Variants in B4GALNT3 observed in about 807,000 individuals in gnomAD.
B4GALNT3 encodes the protein beta-1,4-N-acetyl-galactosaminyltransferase 3, also known as beta-1,4-N-acetylgalactosaminyltransferase 3.
A neutral mutation model predicts 120.2 loss-of-function variants in B4GALNT3; 86 were observed. The observed-to-expected ratio is 0.72, with a 90% CI of 0.60 to 0.86. The LOEUF (loss-of-function observed/expected upper bound fraction) is 0.86. Ranked by LOEUF, B4GALNT3 falls within the 40% of genes least tolerant of loss-of-function variation. The pLI, the probability that B4GALNT3 is intolerant of heterozygous loss-of-function variation, is 0.00. For synonymous variants in B4GALNT3, 518 were observed against 510.4 expected (o/e 1.01, Z -0.20); for missense variants, 1,167 against 1,298.9 (o/e 0.90, Z 1.56).
At chr12:555,310 C>T (rs753869731) in intron 14 of B4GALNT3, 24 of 455,678 alleles carry the variant, frequency 5.3e-5, no homozygotes, top group African/African-American at 1.0e-4. Flanking sequence ...TTTCCTATTC[C>T]GGACATCTTA....
At chr12:522,406 A>T (rs1436806172) in intron 1 of B4GALNT3, among the ~76,000 whole-genome samples, 1 of 152,242 alleles carries the variant, frequency 6.6e-6, no homozygotes, top group Non-Finnish European at 1.5e-5. Flanking sequence ...AAAGCCAGAC[A>T]CAAAAGGAAA....
At chr12:462,662 T>G (rs1160202825) in intron 1 of B4GALNT3, among the ~76,000 whole-genome samples, 2 of 152,108 alleles carry the variant, frequency 1.3e-5, no homozygotes, top group Admixed American at 1.3e-4. Context: ...TGATGCACCT[T>G]GTTTCCTCTC....
rs144373652 is a variant in B4GALNT3, at chr12:480,225, G to A, written c.169+19680G>A. 4.4e-3 allele frequency among the ~76,000 whole-genome samples: 670 copies of A among 152,280 alleles called. 8 individuals are homozygous for A. Among genetic ancestry groups the A allele is most frequent in the East Asian group, 0.031 (161 of 5,170 alleles). ...CCACCGCGCCCGGCCAGGATGGGGA[G>A]TTCTATTCAGAACTGACCAATTAAA... is the stretch of plus-strand genomic sequence containing the variant. On this transcript the variant is annotated intron_variant, in intron 1 of 19. Coordinates refer to ENST00000266383, the MANE Select transcript of B4GALNT3 (RefSeq NM_173593.4).
At position 558,489 on chromosome 12, in the gene B4GALNT3, T is replaced by TA. The variant is rs750491839; in HGVS notation, c.2608-19_2608-18insA. 3 of 1,612,272 alleles carry TA rather than the reference T, an allele frequency of 1.9e-6. No individual in the cohort carries two copies. The highest frequency in any genetic ancestry group is 1.1e-5 in the South Asian group (1 of 91,038). ...TCTGGTCTGCAGGGTCTGCTGACCC[T>TA]GCCCACATCTGTCCCCAGGACCCGC... On this transcript the variant is annotated intron_variant, in intron 17 of 19. Transcript: ENST00000266383.
chr12:511,474 T>C (rs2120577123), intron 1 of B4GALNT3, among the ~76,000 whole-genome samples: 1 of 67,654 alleles, frequency 1.5e-5, no homozygotes, highest in Non-Finnish European at 2.5e-5. Flanking sequence ...TTCCACCTTC[T>C]TCCACCTTCT....
In B4GALNT3 at chr12:552,124, A is replaced by T; in HGVS notation, c.1169A>T (p.Asn390Ile). The part of the protein sequence containing the change: ...YTRLSHMETH[N>I]KCFYQENAYY... Reference sequence around the variant, plus strand: ...CGCCTGAGCCACATGGAGACCCACAATAAATGTTTCTACCAGGAAAACGCC... The same window carrying T: ...CGCCTGAGCCACATGGAGACCCACATTAAATGTTTCTACCAGGAAAACGCC... The change falls in exon 12 of 20, where the codon AAT becomes ATT. Residue 390 changes from asparagine to isoleucine, a missense_variant. Physicochemically the swap from Asn to Ile is moderately radical, Grantham distance 149 (BLOSUM62 -3). Coordinates refer to ENST00000266383, the MANE Select transcript of B4GALNT3 (RefSeq NM_173593.4). 6.2e-7 allele frequency: 1 copy of T among 1,613,218 alleles called. No individual in the cohort carries two copies. The highest frequency in any genetic ancestry group is 8.5e-7 in the Non-Finnish European group (1 of 1,179,262).
chr12:465,547 C>A (rs1380493340), intron 1 of B4GALNT3, among the ~76,000 whole-genome samples: 3 of 151,244 alleles, frequency 2.0e-5, no homozygotes, highest in East Asian at 1.9e-4. Context: ...AGCGTATTTT[C>A]TTTGGGCATT....
chr12:555,847 C>T lies in B4GALNT3; in HGVS notation c.2061-700C>T, dbSNP rs930656411. On this transcript the variant is annotated intron_variant, in intron 14 of 19. Transcript: ENST00000266383. ...TCGCCCAGGCTGGAGTGCAGTGGCG[C>T]GATCTCGACTCATGCAAGCTCCGCC... Among the ~76,000 whole-genome samples the T allele has an allele frequency of 1.4e-4, 21 of 151,836 alleles. 1 individual carries two copies. The highest frequency in any genetic ancestry group is 2.6e-4 in the Admixed American group (4 of 15,250).
At chr12:511,969 TTCC>T (rs1946576496) in intron 1 of B4GALNT3, among the ~76,000 whole-genome samples, 1 of 136,556 alleles carries the variant, frequency 7.3e-6, no homozygotes, top group Non-Finnish European at 1.6e-5. Context: ...ACCTTCCACC[TTCC>T]GCCTTCCGCA....
chr12:467,704 G>A (rs1339608855), intron 1 of B4GALNT3, among the ~76,000 whole-genome samples: 1 of 152,150 alleles, frequency 6.6e-6, no homozygotes, highest in Non-Finnish European at 1.5e-5. Context: ...AATAACCTAA[G>A]GCCAAGGAAG....
In B4GALNT3 at chr12:550,375, G is replaced by C. The variant is rs1329622195; in HGVS notation, c.997+463G>C. Among the ~76,000 whole-genome samples the C allele has an allele frequency of 6.6e-6, 1 of 152,148 alleles. No individual in the cohort carries two copies. Among genetic ancestry groups the C allele is most frequent in the Non-Finnish European group, 1.5e-5 (1 of 68,044 alleles). On this transcript the variant is annotated intron_variant, in intron 10 of 19. Transcript: ENST00000266383. The surrounding 1 kb of genome is among the most constrained non-coding windows in gnomAD (Gnocchi z 4.1). The stretch of plus-strand genomic sequence containing the variant: ...ATGGTGGCTCATTCCTGTCATCCTG[G>C]CACTTTGGGATGCTGAGGTGGGAGG...
rs903661522 is a variant in B4GALNT3 at position 460,898 on chromosome 12, C to T, written c.169+353C>T. 1.7e-4 allele frequency among the ~76,000 whole-genome samples: 26 copies of T among 152,280 alleles called. No individual in the cohort carries two copies. The highest frequency in any genetic ancestry group is 6.0e-4 in the African/African-American group (25 of 41,570). On this transcript the variant is annotated intron_variant, in intron 1 of 19. Coordinates refer to ENST00000266383, the MANE Select transcript of B4GALNT3 (RefSeq NM_173593.4). This position sits in a 1 kb window ranked among gnomAD's most constrained non-coding sequence, Gnocchi z 8.0. ...TCCAGCCGCTCCGGGCTTGCGGTTC[C>T]CGGGGAGGAGGTCCGTGGGGTCCAC...
intron 12 of B4GALNT3, 34 bp from the exon 13 acceptor site, chr12:552,433 C>A: frequency 6.3e-7 from 1 of 1,598,602 alleles, no homozygotes; most frequent in East Asian, 2.2e-5. Flanking sequence ...CGCCATGCAC[C>A]GGGTGCCAAT....
intron 1 of B4GALNT3, among the ~76,000 whole-genome samples, chr12:495,115 G>A (rs1219300477): frequency 1.3e-5 from 2 of 152,188 alleles, no homozygotes; most frequent in Non-Finnish European, 2.9e-5. Flanking sequence ...TTCAATCTCA[G>A]AGCTTCCTTC....
At chr12:559,049 G>A (rs898297182) in intron 18 of B4GALNT3, among the ~76,000 whole-genome samples, 48 of 151,978 alleles carry the variant, frequency 3.2e-4, no homozygotes, top group African/African-American at 8.7e-4. Context: ...GCCGCTGTCC[G>A]ATCCATTTGT....
intron 14 of B4GALNT3, among the ~76,000 whole-genome samples, chr12:554,556 C>A (rs576946614): frequency 6.6e-6 from 1 of 151,762 alleles, no homozygotes; most frequent in Non-Finnish European, 1.5e-5. Context: ...TTTGGGAGGC[C>A]GAGGCGGGCG....
intron 1 of B4GALNT3, among the ~76,000 whole-genome samples, chr12:521,736 G>A (rs752462855): frequency 9.9e-5 from 15 of 152,164 alleles, no homozygotes; most frequent in Non-Finnish European, 2.1e-4. Context: ...CGCAGCGTCC[G>A]ATTGCACTAA....
intron 1 of B4GALNT3, among the ~76,000 whole-genome samples, chr12:484,576 G>A (rs1315572415): frequency 6.6e-6 from 1 of 152,160 alleles, no homozygotes; most frequent in East Asian, 1.9e-4. Flanking sequence ...AGGTGACTCT[G>A]AAGGGCAGTC....
At chr12:547,964 A>G (rs1000623266) in intron 7 of B4GALNT3, 60 bp from the exon 8 acceptor site, 1 of 1,448,536 alleles carries the variant, frequency 6.9e-7, no homozygotes. Flanking sequence ...GGTGGGACAG[A>G]GCCGCGACCC....
Sources: allele counts gnomAD v4.1 joint callset (sites outside exome capture counted in the v4.1 genomes callset), GRCh38; gene constraint gnomAD v4.1.1; non-coding constraint Gnocchi (gnomAD v3.1); transcripts MANE v1.5; gene names NCBI Gene and HGNC (gene_info 2026-07-23, HGNC 2026-07-21).